NDUFA6: variants seen among roughly 807,000 people sequenced by gnomAD.
NDUFA6 encodes NADH dehydrogenase [ubiquinone] 1 alpha subcomplex subunit 6.
NDUFA6 carries 10 observed loss-of-function variants against 12.5 expected under a neutral mutation model. The observed-to-expected ratio is 0.80, with a 90% confidence interval of 0.49 to 1.35. The LOEUF is 1.35. NDUFA6 is among the 40% of genes most tolerant of loss of function. The pLI is 0.00. For missense variants in NDUFA6, 177 were observed against 173.5 expected, an observed-to-expected ratio of 1.02 and a Z score of -0.11; for synonymous variants, 66 against 63.0, an observed-to-expected ratio of 1.05 and a Z score of -0.23.
At position 42,085,896 on chromosome 22, in the gene NDUFA6, A is replaced by T. The variant is rs1056095489; in HGVS notation, c.*287T>A. The T allele has an allele frequency of 3.8e-6, 2 of 524,456 alleles. No homozygotes were observed. The highest frequency in any genetic ancestry group is 3.2e-5 in the Admixed American group (1 of 31,624). The allele number at this position is 524,456 out of a possible 1,614,324, so 32.5% of individuals were successfully genotyped here. A position where few individuals can be genotyped will look rare whatever the true frequency, so the allele number is the denominator to read the frequency against. On this transcript the variant is annotated 3_prime_UTR_variant, in exon 3 of 3. Coordinates refer to ENST00000498737, the MANE Select transcript of NDUFA6 (RefSeq NM_002490.6). ...AAACAACTACATTAACAAGTCGTCC[A>T]GCCTCATGCCCAATGTCACAATTTT... is the stretch of plus-strand genomic sequence containing the variant.
In NDUFA6 at chr22:42,086,137, T is replaced by A; in HGVS notation, c.*46A>T. ...AGTGACCATTGTATAGTGAGTTTATTTGTGCTCTAAAATAGTATCAACGTG... is the reference window on the plus strand; with the variant it reads ...AGTGACCATTGTATAGTGAGTTTATATGTGCTCTAAAATAGTATCAACGTG... On this transcript the variant is annotated 3_prime_UTR_variant, in exon 3 of 3. Coordinates refer to ENST00000498737, the MANE Select transcript of NDUFA6 (RefSeq NM_002490.6). 3.1e-6 allele frequency: 5 copies of A among 1,613,908 alleles called. No homozygotes were observed. The highest frequency in any genetic ancestry group is 4.2e-6 in the Non-Finnish European group (5 of 1,179,804).
chr22:42,087,034 T>C (rs1313718486), intron 2 of NDUFA6, 26 bp downstream of exon 2: 1 of 1,505,260 alleles, frequency 6.6e-7, no homozygotes, highest in East Asian at 2.3e-5. Context: ...GCTGATCTTT[T>C]AAATTGGTCA....
chr22:42,087,025 C>T (rs780792218), intron 2 of NDUFA6, 35 bp downstream of exon 2: 45 of 1,432,296 alleles, frequency 3.1e-5, no homozygotes, highest in Non-Finnish European at 4.3e-5. Context: ...GACAAGTTGG[C>T]TGATCTTTTA....
intron 1 of NDUFA6, chr22:42,089,492 A>C (rs1928491604): frequency 6.6e-6 from 1 of 152,034 alleles, no homozygotes; most frequent in South Asian, 2.1e-4. Flanking sequence ...GTCAGTAGCA[A>C]TTTTTCCAAA....
At chr22:42,089,522 A>T (rs955862437) in intron 1 of NDUFA6, 3 of 151,842 alleles carry the variant, frequency 2.0e-5, no homozygotes, top group Non-Finnish European at 4.4e-5. Flanking sequence ...GAAGACAGGG[A>T]CTCTGTGGAG....
intron 1 of NDUFA6, among the ~76,000 whole-genome samples, chr22:42,088,400 C>G (rs548657297): frequency 6.7e-6 from 1 of 150,230 alleles, no homozygotes; most frequent in Non-Finnish European, 1.5e-5. Context: ...GGCGACAGAG[C>G]GAGACTCCGT....
intron 1 of NDUFA6, among the ~76,000 whole-genome samples, chr22:42,088,847 C>A (rs1046617527): frequency 6.6e-6 from 1 of 151,902 alleles, no homozygotes; most frequent in Non-Finnish European, 1.5e-5. Flanking sequence ...TACTTATTCC[C>A]CTTCCTTGAT....
At chr22:42,087,289 T>A in intron 1 of NDUFA6, 114 bp from the exon 2 acceptor site, 1 of 806,286 alleles carries the variant, frequency 1.2e-6, no homozygotes, top group Non-Finnish European at 2.2e-6. Flanking sequence ...ACCAAAAAAT[T>A]AGCCTGACCC....
In NDUFA6 at chr22:42,087,177, T is replaced by C; in HGVS notation, c.140-2A>G. On this transcript the variant is annotated splice_acceptor_variant, in intron 1 of 2. Coordinates refer to ENST00000498737, the MANE Select transcript of NDUFA6 (RefSeq NM_002490.6). LOFTEE classifies it high-confidence loss of function. Reference sequence around the variant, plus strand: ...TGATGTCCAGCTGGAATTGGTGCACTAGAGAGAAAAACATGACTCAGGGTA... The same window carrying C: ...TGATGTCCAGCTGGAATTGGTGCACCAGAGAGAAAAACATGACTCAGGGTA... 2 of 1,597,102 alleles carry C rather than the reference T, an allele frequency of 1.3e-6. No homozygotes were observed. Among genetic ancestry groups the C allele is most frequent in the Non-Finnish European group, 8.6e-7 (1 of 1,164,574 alleles).
At position 42,087,137 on chromosome 22, in the gene NDUFA6, G is replaced by C. The variant is rs8139803; in HGVS notation, c.178C>G (p.Arg60Gly). The change falls in exon 2 of 3, where the codon CGG becomes GGG. Residue 60 changes from arginine to glycine, a missense_variant. Arg to Gly is a moderately radical substitution (Grantham distance 125). Coordinates refer to ENST00000498737, the MANE Select transcript of NDUFA6 (RefSeq NM_002490.6). ...ATAAACATTTCTCGGACTTTATCCC[G>C]TCCCATTTTCACAGTGATGTCCAGC... The part of the protein sequence containing the change: ...FQLDITVKMG[R>G]DKVREMFMKN... The C allele has an allele frequency of 6.2e-7, 1 of 1,613,914 alleles. No homozygotes were observed. Among genetic ancestry groups the C allele is most frequent in the East Asian group, 2.2e-5 (1 of 44,896 alleles).
At chr22:42,090,346 C>T (rs1384685684) in intron 1 of NDUFA6, among the ~76,000 whole-genome samples, 3 of 152,246 alleles carry the variant, frequency 2.0e-5, no homozygotes, top group Admixed American at 6.5e-5. Flanking sequence ...TGACAGTCAT[C>T]GTCCTCCCGC....
intron 1 of NDUFA6, among the ~76,000 whole-genome samples, chr22:42,088,049 A>G (rs6002595): frequency 5.6e-5 from 8 of 143,864 alleles, no homozygotes; most frequent in East Asian, 2.2e-4. Context: ...TGGAGGGTGC[A>G]GTGAGCTGAG....
At position 42,085,812 on chromosome 22, in the gene NDUFA6, T is replaced by G. The variant is rs545892228; in HGVS notation, c.*371A>C. On this transcript the variant is annotated 3_prime_UTR_variant, in exon 3 of 3. Coordinates refer to ENST00000498737, the MANE Select transcript of NDUFA6 (RefSeq NM_002490.6). ...TGCCCTGATCCCTGACAGGAAGAGC[T>G]GGCTAATTTTAGATAATCTGTGCCC... The G allele has an allele frequency of 4.2e-5, 15 of 353,932 alleles. No individual in the cohort carries two copies. Among genetic ancestry groups the G allele is most frequent in the African/African-American group, 2.7e-4 (13 of 47,328 alleles). The allele number at this position is 353,932 out of a possible 1,614,324, so 21.9% of individuals were successfully genotyped here. A position where few individuals can be genotyped will look rare whatever the true frequency, so the allele number is the denominator to read the frequency against.
Position 42,085,681 on chromosome 22 carries a change from G to A in NDUFA6, c.*502C>T. 4.6e-6 allele frequency: 1 copy of A among 219,264 alleles called. No individual in the cohort carries two copies. Among genetic ancestry groups the A allele is most frequent in the East Asian group, 1.2e-4 (1 of 8,222 alleles). The allele number at this position is 219,264 out of a possible 1,614,324, so 13.6% of individuals were successfully genotyped here. ...GGAAGTTAATTTCATTTTAAGGGCTGGAGCTTGTTACAAGTAGCGGAGCCA... is the reference window on the plus strand; with the variant it reads ...GGAAGTTAATTTCATTTTAAGGGCTAGAGCTTGTTACAAGTAGCGGAGCCA... On this transcript the variant is annotated 3_prime_UTR_variant, in exon 3 of 3. Coordinates refer to ENST00000498737, the MANE Select transcript of NDUFA6 (RefSeq NM_002490.6).
chr22:42,089,327 AACACAC>A (rs59418535), intron 1 of NDUFA6, among the ~76,000 whole-genome samples: 17 of 147,244 alleles, frequency 1.2e-4, no homozygotes, highest in African/African-American at 2.8e-4. Context: ...ACCACCCCGA[AACACAC>A]ACACACACAC....
rs142068525 is a variant in NDUFA6, at chr22:42,090,761, C to T, written c.-17G>A. The T allele has an allele frequency of 4.6e-4, 741 of 1,614,244 alleles. 2 individuals carry two copies. The African/African-American group carries it at 8.4e-3, about 18-fold the overall frequency. On this transcript the variant is annotated 5_prime_UTR_variant, in exon 1 of 3. In the 5' UTR this introduces an upstream ATG that the reference lacks. Transcript: ENST00000498737. ...CCCCGCCATCTTGCCAAAGCATCCA[C>T]TCCACAACCCCACCCCTTTGCAAGC... is the stretch of plus-strand genomic sequence containing the variant.
At position 42,086,174 on chromosome 22, in the gene NDUFA6, T is replaced by C; in HGVS notation, c.*9A>G. Reference sequence around the variant, plus strand: ...ATAGTATCAACGTGCATCTTTCCACTGAATGACTTCATGGATCGTGGCCAA... The same window carrying C: ...ATAGTATCAACGTGCATCTTTCCACCGAATGACTTCATGGATCGTGGCCAA... On this transcript the variant is annotated 3_prime_UTR_variant, in exon 3 of 3. Coordinates refer to ENST00000498737, the MANE Select transcript of NDUFA6 (RefSeq NM_002490.6). 6.2e-7 allele frequency: 1 copy of C among 1,614,270 alleles called. No individual in the cohort carries two copies. The highest frequency in any genetic ancestry group is 1.1e-5 in the South Asian group (1 of 91,090).
intron 1 of NDUFA6, chr22:42,087,433 G>C (rs1928325474): frequency 4.0e-6 from 2 of 498,758 alleles, no homozygotes; most frequent in Non-Finnish European, 7.3e-6. Context: ...AACAACCTGG[G>C]TTCAAATCCC....
chr22:42,087,408 T>C (rs891207903), intron 1 of NDUFA6: 1 of 555,656 alleles, frequency 1.8e-6, no homozygotes, highest in Non-Finnish European at 3.2e-6. Context: ...CAGTAAAGCA[T>C]TGTTCAAGAG....
Sources: allele counts gnomAD v4.1 joint callset (sites outside exome capture counted in the v4.1 genomes callset), GRCh38; gene constraint gnomAD v4.1.1; transcripts MANE v1.5; gene names NCBI Gene and HGNC (gene_info 2026-07-23, HGNC 2026-07-21).